Variants in ZNF536 observed in about 807,000 individuals in gnomAD.
The protein encoded by ZNF536 is zinc finger protein 536.
A neutral mutation model predicts 84.5 loss-of-function variants in ZNF536; 13 were observed. That is an observed-to-expected ratio of 0.15 (90% CI 0.10 to 0.24). The LOEUF (loss-of-function observed/expected upper bound fraction) is 0.24. Ranked by LOEUF, ZNF536 falls within the 10% of genes least tolerant of loss-of-function variation. The probability of loss-of-function intolerance (pLI) is 1.00; values close to 1 mark genes in which losing one functional copy is unlikely to be tolerated. For missense variants in ZNF536, 1,536 were observed against 1,747.5 expected (o/e 0.88, Z 2.16); for synonymous variants, 811 against 742.5 (o/e 1.09, Z -1.50).
chr19:30,424,207 C>A (rs1480174990), intron 1 of ZNF536, among the ~76,000 whole-genome samples: 1 of 152,186 alleles, frequency 6.6e-6, no homozygotes, highest in African/African-American at 2.4e-5. Flanking sequence ...CCTTACACTT[C>A]CTGCACTTTC....
At chr19:30,370,871 T>C (rs2048590474), upstream of ZNF536, among the ~76,000 whole-genome samples, 1 of 152,266 alleles carries the variant, frequency 6.6e-6, no homozygotes, top group African/African-American at 2.4e-5. Flanking sequence ...AAAAACGTAA[T>C]TGCTTCTTAA....
intron 1 of ZNF536, among the ~76,000 whole-genome samples, chr19:30,396,178 A>G (rs2147414577): frequency 6.6e-6 from 1 of 152,306 alleles, no homozygotes; most frequent in African/African-American, 2.4e-5. Flanking sequence ...AATGCCAGTC[A>G]CCAAAAATCC....
intron 2 of ZNF536, among the ~76,000 whole-genome samples, chr19:30,503,921 C>T (rs895744051): frequency 9.5e-5 from 14 of 147,812 alleles, no homozygotes; most frequent in East Asian, 2.0e-4. Context: ...TCTTCTCTCT[C>T]TTTTTTTTTA....
intron 1 of ZNF536, among the ~76,000 whole-genome samples, chr19:30,442,985 A>G (rs1259346855): frequency 1.3e-5 from 2 of 151,668 alleles, no homozygotes; most frequent in Non-Finnish European, 2.9e-5. Context: ...TTTTCCCAAA[A>G]CATTATCTTG....
At chr19:30,331,292 TAAAAAA>T (rs11324495) in intron 2 of ZNF536, among the ~76,000 whole-genome samples, 15 of 41,738 alleles carry the variant, frequency 3.6e-4, no homozygotes, top group Admixed American at 2.2e-3. Context: ...CCCTGTATCT[TAAAAAA>T]AAAAAAAAAA....
chr19:30,468,448 G>A (rs1017826733), intron 2 of ZNF536, among the ~76,000 whole-genome samples: 17 of 152,124 alleles, frequency 1.1e-4, no homozygotes, highest in Admixed American at 5.2e-4. Flanking sequence ...TGTGTGCCAC[G>A]CCAGGCACAG....
chr19:30,365,964 G>A (rs1368224889), intron 3 of ZNF536, among the ~76,000 whole-genome samples: 1 of 152,076 alleles, frequency 6.6e-6, no homozygotes, highest in African/African-American at 2.4e-5. Flanking sequence ...TGTATCATCT[G>A]AAATCTTGCT....
chr19:30,693,129 C>T (rs1018498646), intron 1 of ZNF536, among the ~76,000 whole-genome samples: 1 of 152,006 alleles, frequency 6.6e-6, no homozygotes, highest in Admixed American at 6.6e-5. Context: ...CCTCTCCGTG[C>T]TTCGGACACC....
chr19:30,479,964 C>T (rs766895618), intron 2 of ZNF536, among the ~76,000 whole-genome samples: 3 of 152,212 alleles, frequency 2.0e-5, no homozygotes, highest in Admixed American at 6.5e-5. Context: ...CAAGGGAGCC[C>T]GCGCTGGGCT....
At chr19:30,358,682 A>G (rs1466257426) in intron 3 of ZNF536, among the ~76,000 whole-genome samples, 1 of 152,254 alleles carries the variant, frequency 6.6e-6, no homozygotes, top group Non-Finnish European at 1.5e-5. Context: ...GTCCAAGTCT[A>G]ACTTGTGCCA....
intron 1 of ZNF536, among the ~76,000 whole-genome samples, chr19:30,650,430 TA>T (rs1191596301): frequency 3.3e-5 from 5 of 152,260 alleles, no homozygotes; most frequent in African/African-American, 9.6e-5. Context: ...CTTTTCTTGT[TA>T]CTCTTTAAGT....
At chr19:30,390,726 G>A (rs2049550226) in intron 1 of ZNF536, among the ~76,000 whole-genome samples, 1 of 152,174 alleles carries the variant, frequency 6.6e-6, no homozygotes, top group Admixed American at 6.5e-5. Flanking sequence ...AGAGCAGGAG[G>A]CAGGCAGCCC....
intron 1 of ZNF536, among the ~76,000 whole-genome samples, chr19:30,693,919 A>G (rs1439830045): frequency 6.6e-6 from 1 of 152,264 alleles, no homozygotes; most frequent in East Asian, 1.9e-4. Flanking sequence ...ACCTCACTGA[A>G]TTTTGATGGA....
At chr19:30,561,993 G>A (rs1210624383), downstream of ZNF536, among the ~76,000 whole-genome samples, 1 of 152,234 alleles carries the variant, frequency 6.6e-6, no homozygotes, top group African/African-American at 2.4e-5. Context: ...CCTGTGGAGA[G>A]GGAAGTGCAT....
intron 2 of ZNF536, among the ~76,000 whole-genome samples, chr19:30,516,656 C>T (rs889301333): frequency 6.6e-6 from 1 of 152,148 alleles, no homozygotes; most frequent in Non-Finnish European, 1.5e-5. Context: ...ACGAGACAGG[C>T]AAACCCACGG....
At chr19:30,631,830 C>A (rs145162682) in intron 1 of ZNF536, among the ~76,000 whole-genome samples, 93 of 152,302 alleles carry the variant, frequency 6.1e-4, no homozygotes, top group African/African-American at 2.1e-3. Flanking sequence ...AAGCACCCAT[C>A]AGAGAGCACT....
chr19:30,361,575 A>G lies in ZNF536; in HGVS notation c.-3+9091A>G, dbSNP rs148880785. ...GGTGAAGTGGAAATGACTGGCTTCC[A>G]TGAAGGCGTCAAACACGCGCCATGG... On this transcript the variant is annotated intron_variant, in intron 3 of 5. Coordinates refer to the ZNF536 transcript ENST00000585628. Among the ~76,000 whole-genome samples, 523 of 152,220 alleles carry G rather than the reference A, an allele frequency of 3.4e-3. 2 individuals carry two copies. Among genetic ancestry groups the G allele is most frequent in the Middle Eastern group, 0.014 (4 of 294 alleles).
chr19:30,227,689 G>A (rs1231836153), upstream of ZNF536, among the ~76,000 whole-genome samples: 3 of 151,780 alleles, frequency 2.0e-5, no homozygotes, highest in Non-Finnish European at 4.4e-5. Flanking sequence ...GGGGCGGAGT[G>A]AGCGAGCGCG....
At chr19:30,593,887 T>A (rs945102000) in intron 1 of ZNF536, among the ~76,000 whole-genome samples, 1 of 152,200 alleles carries the variant, frequency 6.6e-6, no homozygotes, top group African/African-American at 2.4e-5. Context: ...GGAGTGGACT[T>A]TTCAAAGTAG....
Sources: gnomAD v4.1 joint callset for allele counts (sites outside exome capture counted in the v4.1 genomes callset) on GRCh38, gnomAD v4.1.1 for gene constraint, MANE v1.5 for transcripts, NCBI Gene and HGNC (gene_info 2026-07-23, HGNC 2026-07-21) for gene names.